The following LDLRAP1 variants were observed in gnomAD, a reference collection of about 807,000 sequenced individuals.
The protein encoded by LDLRAP1 is low density lipoprotein receptor adapter protein 1.
LDLRAP1 carries 30 observed loss-of-function variants against 37.8 expected under a neutral mutation model. That is an observed-to-expected ratio of 0.79 (90% confidence interval 0.59 to 1.08). The LOEUF (loss-of-function observed/expected upper bound fraction) is 1.08, where lower values mean the gene tolerates loss of function less well. LDLRAP1 is among the 50% of genes least tolerant of loss of function. The pLI is 0.00. For synonymous variants in LDLRAP1, 156 were observed against 169.8 expected, an observed-to-expected ratio of 0.92 and a Z score of 0.63; for missense variants, 375 against 401.6, an observed-to-expected ratio of 0.93 and a Z score of 0.57.
chr1:25,571,140 T>C (rs115757267), downstream of LDLRAP1, among the ~76,000 whole-genome samples: 3,974 of 152,258 alleles, frequency 0.026, 54 homozygotes, highest in African/African-American at 0.035. Flanking sequence ...ACCGACCTGG[T>C]GTGCCCTGCT....
chr1:25,577,309 G>C, the LDLRAP1 span, among the ~76,000 whole-genome samples: 2 of 152,170 alleles, frequency 1.3e-5, no homozygotes, highest in Non-Finnish European at 2.9e-5. Flanking sequence ...TGGAGTGGGG[G>C]AGGGGCTGCC....
chr1:25,558,658 T>A (rs1161346726), intron 4 of LDLRAP1, among the ~76,000 whole-genome samples: 2 of 152,156 alleles, frequency 1.3e-5, no homozygotes, highest in Non-Finnish European at 2.9e-5. Flanking sequence ...GTCTCCTGAT[T>A]TCATCGTCAC....
intron 1 of LDLRAP1, among the ~76,000 whole-genome samples, chr1:25,552,906 A>G (rs2044106648): frequency 6.6e-6 from 1 of 152,122 alleles, no homozygotes; most frequent in African/African-American, 2.4e-5. Flanking sequence ...GTTCTGCACC[A>G]TTGTCACAGC....
intron 5 of LDLRAP1, 174 bp downstream of exon 5, chr1:25,562,890 G>C (rs979312661): frequency 2.1e-5 from 17 of 806,282 alleles, no homozygotes; most frequent in South Asian, 1.6e-4. Flanking sequence ...GGGAACAGCC[G>C]TCTCCCTCCC....
At chr1:25,582,072 C>T in the LDLRAP1 span, among the ~76,000 whole-genome samples, 1 of 152,180 alleles carries the variant, frequency 6.6e-6, no homozygotes, top group Non-Finnish European at 1.5e-5. Flanking sequence ...GGGTTCTGGT[C>T]CTGATCTCTG....
intron 7 of LDLRAP1, chr1:25,564,002 A>AGAG (rs1322891131): frequency 1.6e-6 from 1 of 644,504 alleles, no homozygotes; most frequent in African/African-American, 1.8e-5. Flanking sequence ...GGCTCCCAGC[A>AGAG]CAGCTGTCTC....
chr1:25,567,830 C>G lies in LDLRAP1; in HGVS notation c.*838C>G, dbSNP rs2044525179. 6.6e-6 allele frequency: 1 copy of G among 152,558 alleles called. No homozygotes were observed. Among genetic ancestry groups the G allele is most frequent in the Non-Finnish European group, 1.5e-5 (1 of 68,210 alleles). The allele number at this position is 152,558 out of a possible 1,614,324, so 9.5% of individuals were successfully genotyped here. A position where few individuals can be genotyped will look rare whatever the true frequency, so the allele number is the denominator to read the frequency against. On this transcript the variant is annotated 3_prime_UTR_variant, in exon 9 of 9. Coordinates refer to ENST00000374338, the MANE Select transcript of LDLRAP1 (RefSeq NM_015627.3). ...CGGGCCCCTGCCTGCCTTCTCCCCT[C>G]CACGCAAGGCTGTGCTCTTCCTCTG...
chr1:25,585,854 G>A, the LDLRAP1 span, among the ~76,000 whole-genome samples: 2 of 152,228 alleles, frequency 1.3e-5, no homozygotes, highest in Admixed American at 6.5e-5. Context: ...AGAGAAGTAA[G>A]GCCTTTGCTG....
At chr1:25,572,908 CACCTAGA>C (rs2044624389), downstream of LDLRAP1, among the ~76,000 whole-genome samples, 1 of 152,202 alleles carries the variant, frequency 6.6e-6, no homozygotes, top group Admixed American at 6.5e-5. Flanking sequence ...GCTGGCCAGA[CACCTAGA>C]AGAGGGGGCA....
At chr1:25,570,006 C>T (rs969835430), downstream of LDLRAP1, among the ~76,000 whole-genome samples, 18 of 152,314 alleles carry the variant, frequency 1.2e-4, no homozygotes, top group Non-Finnish European at 2.1e-4. Flanking sequence ...AGCCACTCTC[C>T]GGAGATTCCC....
chr1:25,571,549 C>T (rs146556878), downstream of LDLRAP1, among the ~76,000 whole-genome samples: 8 of 152,312 alleles, frequency 5.3e-5, no homozygotes, highest in African/African-American at 7.2e-5. Context: ...TGTGCTTGCA[C>T]GTATTGTTAG....
Position 25,562,672 on chromosome 1 carries a change from A to C in LDLRAP1, c.488A>C (p.Gln163Pro). Residue 163 changes from glutamine to proline, a missense_variant, in exon 5 of 9, where the codon CAG (glutamine) becomes CCG (proline). Gln to Pro is a moderately conservative substitution (Grantham distance 76). Transcript: ENST00000374338. ...MAQAVTLTVA[Q>P]AFKVAFEFWQ... Reference sequence around the variant, plus strand: ...CAGGCTGTTACCCTCACCGTAGCCCAGGCCTTCAAAGTCGCCTTTGAGTTT... The same window carrying C: ...CAGGCTGTTACCCTCACCGTAGCCCCGGCCTTCAAAGTCGCCTTTGAGTTT... 2 of 1,614,176 alleles carry C rather than the reference A, an allele frequency of 1.2e-6. No homozygotes were observed. Among genetic ancestry groups the C allele is most frequent in the Non-Finnish European group, 1.7e-6 (2 of 1,180,006 alleles).
In LDLRAP1 at chr1:25,555,461, C is replaced by T. The variant is rs1395474060; in HGVS notation, c.344+489C>T. 3.3e-5 allele frequency among the ~76,000 whole-genome samples: 5 copies of T among 152,176 alleles called. No homozygotes were observed. Among genetic ancestry groups the T allele is most frequent in the South Asian group, 2.1e-4 (1 of 4,820 alleles). On this transcript the variant is annotated intron_variant, in intron 3 of 8. Coordinates refer to ENST00000374338, the MANE Select transcript of LDLRAP1 (RefSeq NM_015627.3). The surrounding 1 kb of genome is among the most constrained non-coding windows in gnomAD (Gnocchi z 4.7). ...AGCCCTTAGAGCCTCAGACTATCCC[C>T]ACCTCTCTCGGCTGGTCAGTTGTAG...
At position 25,544,707 on chromosome 1, in the gene LDLRAP1, G is replaced by A. The variant is rs2043891140; in HGVS notation, c.88+921G>A. On this transcript the variant is annotated intron_variant, in intron 1 of 8. Transcript: ENST00000374338. The surrounding 1 kb of genome is among the most constrained non-coding windows in gnomAD (Gnocchi z 4.8). ...AGGTCTCGTTGTTTGGGAGGGAGAA[G>A]AGAGTGGCTTGCCTGGGGTCACACA... Among the ~76,000 whole-genome samples, 2 of 152,180 alleles carry A rather than the reference G, an allele frequency of 1.3e-5. No homozygotes were observed. Among genetic ancestry groups the A allele is most frequent in the Non-Finnish European group, 2.9e-5 (2 of 68,034 alleles).
In LDLRAP1 at chr1:25,544,596, C is replaced by T. The variant is rs546312834; in HGVS notation, c.88+810C>T. Among the ~76,000 whole-genome samples the T allele has an allele frequency of 3.3e-5, 5 of 152,324 alleles. No individual in the cohort carries two copies. The East Asian group carries it at 5.8e-4, about 18-fold the overall frequency. ...CTGGGAGGCTGGGAGGGGCCTCCCC[C>T]CCTTTCTCTCCCCCAGTCTCTGATT... is the stretch of plus-strand genomic sequence containing the variant. On this transcript the variant is annotated intron_variant, in intron 1 of 8. Transcript: ENST00000374338. The surrounding 1 kb of genome is among the most constrained non-coding windows in gnomAD (Gnocchi z 4.8).
rs983335570 is a variant in LDLRAP1 at position 25,557,887 on chromosome 1, C to T, written c.459+620C>T. 1.6e-3 allele frequency among the ~76,000 whole-genome samples: 159 copies of T among 96,868 alleles called. 1 individual carries two copies. The highest frequency in any genetic ancestry group is 7.4e-3 in the African/African-American group (146 of 19,746). The allele number at this position is 96,868 out of a possible 152,430, so 63.5% of individuals were successfully genotyped here. ...ACTGTTACTCTCTCCATTTTTTTTT[C>T]TTCTTTTTTTTAAAGTTTTAATGAG... On this transcript the variant is annotated intron_variant, in intron 4 of 8. Coordinates refer to ENST00000374338, the MANE Select transcript of LDLRAP1 (RefSeq NM_015627.3).
Position 25,568,099 on chromosome 1 carries a change from C to G in LDLRAP1, c.*1107C>G, listed in dbSNP as rs548025378. 10 of 152,754 alleles carry G rather than the reference C, an allele frequency of 6.5e-5. No individual in the cohort carries two copies. Among genetic ancestry groups the G allele is most frequent in the African/African-American group, 2.2e-4 (9 of 41,556 alleles). 9.5% of individuals were successfully genotyped at this position (152,754 alleles called of 1,614,324 possible). A position where few individuals can be genotyped will look rare whatever the true frequency, so the allele number is the denominator to read the frequency against. ...CCTTTTCTTCTAGCTTTGTTGTCCT[C>G]CCAGGAACCAAAAAACCCCAGCTAT... is the stretch of plus-strand genomic sequence containing the variant. On this transcript the variant is annotated 3_prime_UTR_variant, in exon 9 of 9. Coordinates refer to ENST00000374338, the MANE Select transcript of LDLRAP1 (RefSeq NM_015627.3).
downstream of LDLRAP1, among the ~76,000 whole-genome samples, chr1:25,572,907 A>ATGGGGC (rs2044624352): frequency 6.6e-6 from 1 of 152,176 alleles, no homozygotes; most frequent in Admixed American, 6.5e-5. Flanking sequence ...TGCTGGCCAG[A>ATGGGGC]CACCTAGAAG....
chr1:25,587,863 AAGAG>A, the LDLRAP1 span, among the ~76,000 whole-genome samples: 145 of 152,282 alleles, frequency 9.5e-4, 1 homozygote, highest in Middle Eastern at 3.4e-3. Flanking sequence ...GGGGAAAAGA[AAGAG>A]AGATCAGATT....
Sources: allele counts gnomAD v4.1 joint callset (sites outside exome capture counted in the v4.1 genomes callset), GRCh38; gene constraint gnomAD v4.1.1; non-coding constraint Gnocchi (gnomAD v3.1); transcripts MANE v1.5; gene names NCBI Gene and HGNC (gene_info 2026-07-23, HGNC 2026-07-21).